The following SUN1 variants were observed in gnomAD, a reference collection of about 807,000 sequenced individuals.
SUN1 encodes Sad1 and UNC84 domain containing 1.
In SUN1, 61 loss-of-function variants were observed where a neutral mutation model predicts 103.2. The observed-to-expected ratio is 0.59, with a 90% CI of 0.48 to 0.73. The LOEUF (loss-of-function observed/expected upper bound fraction) is 0.73, where lower values mean the gene tolerates loss of function less well. SUN1 is among the 30% of genes least tolerant of loss of function. The pLI is 0.00. For missense variants in SUN1, 1,052 were observed against 1,034.6 expected (o/e 1.02, Z -0.23); for synonymous variants, 490 against 425.7 (o/e 1.15, Z -1.86).
At chr7:840,608 G>T (rs1396212740) in intron 2 of SUN1, among the ~76,000 whole-genome samples, 1 of 150,772 alleles carries the variant, frequency 6.6e-6, no homozygotes, top group East Asian at 2.0e-4. Flanking sequence ...TGGTCAATAT[G>T]AATGCAGAAA....
chr7:838,631 C>T (rs1392584541), intron 1 of SUN1, among the ~76,000 whole-genome samples, 167 bp from the exon 2 acceptor site: 1 of 152,186 alleles, frequency 6.6e-6, no homozygotes, highest in African/African-American at 2.4e-5. Context: ...CCCATGCTGG[C>T]TGACCTGTGT....
chr7:863,556 C>A (rs1208598148), intron 15 of SUN1, among the ~76,000 whole-genome samples: 2 of 152,180 alleles, frequency 1.3e-5, no homozygotes, highest in Non-Finnish European at 2.9e-5. Flanking sequence ...TGTACAGCTC[C>A]GTGGCTATTA....
At chr7:817,273 T>G in intron 1 of SUN1, 1 of 730,868 alleles carries the variant, frequency 1.4e-6, no homozygotes, top group Non-Finnish European at 2.3e-6. Flanking sequence ...AGTCGTATTT[T>G]TTGTAGGGTT....
chr7:817,704 A>G (rs1782132987), intron 1 of SUN1, among the ~76,000 whole-genome samples: 1 of 152,002 alleles, frequency 6.6e-6, no homozygotes, highest in Admixed American at 6.6e-5. Context: ...CTACATCTCC[A>G]CTGTGGAGAA....
intron 11 of SUN1, 33 bp downstream of exon 11, chr7:855,039 TAAA>T (rs772431076): frequency 3.9e-6 from 6 of 1,531,596 alleles, no homozygotes; most frequent in Middle Eastern, 1.7e-4. Context: ...TTTTTTAAAA[TAAA>T]AAGAAAATCA....
chr7:842,262 A>C, intron 3 of SUN1, 132 bp downstream of exon 3: 4 of 996,342 alleles, frequency 4.0e-6, no homozygotes, highest in East Asian at 2.6e-5. Flanking sequence ...GGCTGTGGCC[A>C]CATTGTGGGT....
intron 1 of SUN1, among the ~76,000 whole-genome samples, chr7:835,368 A>G (rs1802075773): frequency 6.6e-6 from 1 of 152,256 alleles, no homozygotes; most frequent in Non-Finnish European, 1.5e-5. Context: ...GCCAGTCTCT[A>G]AAAGATAATG....
In SUN1 at chr7:852,011, G is replaced by T. The variant is rs2128387711; in HGVS notation, c.819G>T (p.Leu273Phe). ...LGIGWYQFVT[L>F]ISWLNVFLLT... Reference sequence around the variant, plus strand: ...TTGGATGGTACCAGTTTGTTACTTTGATTTCTTGGCTGAATGTGTTTCTTC... The same window carrying T: ...TTGGATGGTACCAGTTTGTTACTTTTATTTCTTGGCTGAATGTGTTTCTTC... Residue 273 changes from leucine (L) to phenylalanine (F), a missense_variant, in exon 7 of 19, where the codon TTG (leucine) becomes TTT (phenylalanine). By Grantham distance (22) the Leu-to-Phe change is conservative. Transcript: ENST00000401592. 6.2e-7 allele frequency: 1 copy of T among 1,614,096 alleles called. No individual in the cohort carries two copies. The highest frequency in any genetic ancestry group is 1.1e-5 in the South Asian group (1 of 91,050).
At chr7:856,305 A>G (rs1827224108) in intron 11 of SUN1, 53 bp from the exon 12 acceptor site, 1 of 1,561,628 alleles carries the variant, frequency 6.4e-7, no homozygotes, top group Admixed American at 1.7e-5. Flanking sequence ...GGTTTTATGA[A>G]AAGTTAATAT....
chr7:826,100 C>A (rs1372385531), intron 1 of SUN1, among the ~76,000 whole-genome samples: 1 of 152,046 alleles, frequency 6.6e-6, no homozygotes, highest in African/African-American at 2.4e-5. Flanking sequence ...TAACCAGGTG[C>A]CGTGACGCGC....
In SUN1 at chr7:842,041, C is replaced by G. The variant is rs541487561; in HGVS notation, c.362C>G (p.Thr121Ser). 3.0e-5 allele frequency: 48 copies of G among 1,614,238 alleles called. No individual in the cohort carries two copies. The African/African-American group carries it at 3.5e-4, about 12-fold the overall frequency. Residue 121 changes from threonine (T) to serine (S), a missense_variant, in exon 3 of 19, where the codon ACT becomes AGT. Thr to Ser is a moderately conservative substitution (Grantham distance 58). Coordinates refer to ENST00000401592, the MANE Select transcript of SUN1 (RefSeq NM_001130965.3). ...TCCTCTGGCGTCAGCCACGGCGGCA[C>G]TGTCAGCCTGCAGGATGCTGTGACT... ...VTSSGVSHGG[T>S]VSLQDAVTRR...
intron 6 of SUN1, chr7:851,737 C>A (rs1247815355): frequency 6.4e-6 from 4 of 625,504 alleles, no homozygotes; most frequent in African/African-American, 5.5e-5. Context: ...ATGCATGGAT[C>A]TGGGGCTTCC....
rs1810593023 is a variant in SUN1, at chr7:842,090, G to A, written c.411G>A (p.Glu137=). ...CTCGACGGCCTCCTGTATTGGACGA[G>A]TCTTGGATTCGTGAACAGACCACAG... ...AVTRRPPVLD[E]SWIREQTTVD... is the part of the protein sequence containing the mutation. The change falls in exon 3 of 19, where the codon GAG becomes GAA. Residue 137 remains glutamate (E), a synonymous_variant. Transcript: ENST00000401592. 10 of 1,614,240 alleles carry A rather than the reference G, an allele frequency of 6.2e-6. No individual in the cohort carries two copies. The highest frequency in any genetic ancestry group is 8.5e-6 in the Non-Finnish European group (10 of 1,180,040).
In SUN1 at chr7:843,948, C is replaced by T. The variant is rs576750158; in HGVS notation, c.658+428C>T. On this transcript the variant is annotated intron_variant, in intron 5 of 18. Coordinates refer to ENST00000401592, the MANE Select transcript of SUN1 (RefSeq NM_001130965.3). ...GTGTCGGGAAAACATTTCCCGTGGT[C>T]GCTAGCCCTGTGCTTATGGTGATGG... The T allele has an allele frequency of 6.9e-5, 73 of 1,057,180 alleles. No homozygotes were observed. The East Asian group carries it at 1.2e-3, about 18-fold the overall frequency. 65.5% of individuals were successfully genotyped at this position (1,057,180 alleles called of 1,614,324 possible). A position where few individuals can be genotyped will look rare whatever the true frequency, so the allele number is the denominator to read the frequency against.
intron 12 of SUN1, among the ~76,000 whole-genome samples, chr7:856,666 C>T (rs541593984): frequency 3.9e-5 from 6 of 152,304 alleles, no homozygotes; most frequent in African/African-American, 7.2e-5. Flanking sequence ...TGCTGTGACC[C>T]GGAGGGCTTC....
intron 5 of SUN1, chr7:849,599 G>T (rs1017954127): frequency 4.8e-6 from 7 of 1,462,462 alleles, no homozygotes; most frequent in Non-Finnish European, 6.5e-6. Context: ...ATGGGGAAGC[G>T]CTGTGTAAGT....
At position 869,536 on chromosome 7, in the gene SUN1, C is replaced by G. The variant is rs202040489; in HGVS notation, c.2148+20C>G. 1.5e-3 allele frequency: 2,340 copies of G among 1,606,434 alleles called. 6 individuals are homozygous for G. Among genetic ancestry groups the G allele is most frequent in the Non-Finnish European group, 1.9e-3 (2,195 of 1,174,938 alleles). On this transcript the variant is annotated intron_variant, in intron 17 of 18. Transcript: ENST00000401592. ...GTCTATGTGAGTGCCCTTGGCCGAC[C>G]CTCCTCCTCCCACACCTTCCTGGGA...
At chr7:863,355 C>T (rs548064775) in intron 15 of SUN1, among the ~76,000 whole-genome samples, 4 of 152,306 alleles carry the variant, frequency 2.6e-5, no homozygotes, top group South Asian at 2.1e-4. Context: ...CTCCCGAGCT[C>T]GCCCTTGCTG....
chr7:853,641 G>C (rs1171488649), intron 10 of SUN1, 23 bp downstream of exon 10: 1 of 1,596,048 alleles, frequency 6.3e-7, no homozygotes, highest in Non-Finnish European at 8.5e-7. Context: ...GGGCTACCAG[G>C]CTCCATGGTG....
Sources: gnomAD v4.1 joint callset for allele counts (sites outside exome capture counted in the v4.1 genomes callset) on GRCh38, gnomAD v4.1.1 for gene constraint, MANE v1.5 for transcripts, NCBI Gene and HGNC (gene_info 2026-07-23, HGNC 2026-07-21) for gene names.